Variants in SGCZ observed in about 807,000 individuals in gnomAD.
SGCZ encodes the protein sarcoglycan zeta.
In SGCZ, 40 loss-of-function variants were observed where a neutral mutation model predicts 41.3. That is an observed-to-expected ratio of 0.97 (90% CI 0.75 to 1.26). The LOEUF (loss-of-function observed/expected upper bound fraction) is 1.26. SGCZ is among the 50% of genes most tolerant of loss of function. The pLI is 0.00. For missense variants in SGCZ, 552 were observed against 369.8 expected, an observed-to-expected ratio of 1.49 and a Z score of -4.04; for synonymous variants, 206 against 137.5, an observed-to-expected ratio of 1.50 and a Z score of -3.49.
At chr8:14,856,777 C>T (rs1280021964) in intron 1 of SGCZ, among the ~76,000 whole-genome samples, 1 of 152,112 alleles carries the variant, frequency 6.6e-6, no homozygotes, top group Non-Finnish European at 1.5e-5. Context: ...CACAGGTTTA[C>T]GCAGACAGTC....
chr8:14,116,435 G>T (rs1261983767), intron 5 of SGCZ, among the ~76,000 whole-genome samples: 1 of 152,014 alleles, frequency 6.6e-6, no homozygotes, highest in Non-Finnish European at 1.5e-5. Flanking sequence ...AAAAGATTCA[G>T]AATCTTCGTA....
chr8:14,504,098 T>C (rs564976147), intron 2 of SGCZ, among the ~76,000 whole-genome samples: 9 of 152,320 alleles, frequency 5.9e-5, no homozygotes, highest in Admixed American at 2.0e-4. Context: ...CTTTTTTGTC[T>C]CAATTATATT....
At chr8:14,684,803 T>C (rs1033769431) in intron 1 of SGCZ, among the ~76,000 whole-genome samples, 5 of 152,060 alleles carry the variant, frequency 3.3e-5, no homozygotes, top group East Asian at 1.9e-4. Context: ...CAATGCTTCA[T>C]AACCCTATTG....
At chr8:14,882,753 T>C (rs1441005758) in intron 1 of SGCZ, among the ~76,000 whole-genome samples, 8 of 152,102 alleles carry the variant, frequency 5.3e-5, no homozygotes, top group South Asian at 4.1e-4. Flanking sequence ...CCTCTTTTTC[T>C]ATTTTTCTAT....
intron 1 of SGCZ, among the ~76,000 whole-genome samples, chr8:15,073,037 T>C (rs1464947364): frequency 1.3e-5 from 2 of 152,126 alleles, no homozygotes; most frequent in East Asian, 1.9e-4. Context: ...AGACTTGTTT[T>C]AAGGGCAGAG....
At chr8:14,727,510 T>A (rs112298209) in intron 1 of SGCZ, among the ~76,000 whole-genome samples, 2 of 149,994 alleles carry the variant, frequency 1.3e-5, no homozygotes, top group African/African-American at 5.0e-5. Flanking sequence ...GCATGTACAA[T>A]AATGCTTTTT....
At chr8:14,916,057 A>C (rs953708226) in intron 1 of SGCZ, among the ~76,000 whole-genome samples, 6 of 152,218 alleles carry the variant, frequency 3.9e-5, no homozygotes, top group Non-Finnish European at 5.9e-5. Context: ...ATGTTAATAT[A>C]TAAGTCATGT....
intron 1 of SGCZ, among the ~76,000 whole-genome samples, chr8:15,194,712 T>G (rs567988159): frequency 7.2e-5 from 11 of 152,244 alleles, no homozygotes; most frequent in African/African-American, 2.4e-4. Flanking sequence ...AGGAGGACCA[T>G]AAGCCAGGGA....
At chr8:14,302,545 G>A (rs928179835) in intron 3 of SGCZ, among the ~76,000 whole-genome samples, 7 of 151,930 alleles carry the variant, frequency 4.6e-5, no homozygotes, top group African/African-American at 1.5e-4. Flanking sequence ...CACCCTCTCC[G>A]ATTTCACTCA....
At chr8:14,966,090 G>A (rs1051678552) in intron 1 of SGCZ, among the ~76,000 whole-genome samples, 1 of 151,526 alleles carries the variant, frequency 6.6e-6, no homozygotes, top group African/African-American at 2.4e-5. Context: ...TGAACATGAA[G>A]AGACACCTGA....
Position 14,551,461 on chromosome 8 carries a change from A to G in SGCZ, c.234+3271T>C, listed in dbSNP as rs1436344570. 4.1e-3 allele frequency among the ~76,000 whole-genome samples: 28 copies of G among 6,820 alleles called. 6 individuals carry two copies. Among genetic ancestry groups the G allele is most frequent in the African/African-American group, 0.013 (25 of 1,996 alleles). 4.5% of individuals were successfully genotyped at this position (6,820 alleles called of 152,430 possible). On this transcript the variant is annotated intron_variant, in intron 2 of 7. Transcript: ENST00000382080. ...CAACTATTTCATATATATATTATAT[A>G]TATTATATATATTATATATTATATA... is the stretch of plus-strand genomic sequence containing the variant.
intron 1 of SGCZ, among the ~76,000 whole-genome samples, chr8:14,778,799 G>C (rs776094148): frequency 1.3e-5 from 2 of 152,098 alleles, no homozygotes; most frequent in Non-Finnish European, 2.9e-5. Flanking sequence ...CATTTGATTG[G>C]GATAAAGAAA....
At chr8:14,390,564 T>C (rs1202178219) in intron 2 of SGCZ, among the ~76,000 whole-genome samples, 1 of 151,918 alleles carries the variant, frequency 6.6e-6, no homozygotes, top group African/African-American at 2.4e-5. Flanking sequence ...AAATTCTGAT[T>C]TAAAATTTTT....
At chr8:14,356,718 G>T (rs1426696940) in intron 2 of SGCZ, among the ~76,000 whole-genome samples, 1 of 151,856 alleles carries the variant, frequency 6.6e-6, no homozygotes, top group Non-Finnish European at 1.5e-5. Flanking sequence ...AAACCTATTT[G>T]ATTATATATA....
chr8:14,342,690 G>A (rs191558225), intron 2 of SGCZ, among the ~76,000 whole-genome samples: 154 of 152,088 alleles, frequency 1.0e-3, no homozygotes, highest in African/African-American at 3.6e-3. Context: ...AGTTTTAGTC[G>A]GGAAGCAGAG....
At chr8:14,140,426 A>G (rs569378980) in intron 5 of SGCZ, among the ~76,000 whole-genome samples, 171 of 152,240 alleles carry the variant, frequency 1.1e-3, no homozygotes, top group Admixed American at 5.8e-3. Flanking sequence ...AAACCCCATC[A>G]TCTCAGCCCA....
At chr8:14,251,860 C>T (rs546003462) in intron 3 of SGCZ, among the ~76,000 whole-genome samples, 46 of 152,170 alleles carry the variant, frequency 3.0e-4, no homozygotes, top group African/African-American at 1.0e-3. Context: ...GGATTACAGG[C>T]GCTCACCACC....
rs546118530 is a variant in SGCZ at position 14,377,823 on chromosome 8, A to T, written c.235-53619T>A. On this transcript the variant is annotated intron_variant, in intron 2 of 7. Transcript: ENST00000382080. ...CGATAGTTTACTGAGAATGATGATT[A>T]CCAATTTCATCCATGTCCCTACAAA... Among the ~76,000 whole-genome samples the T allele has an allele frequency of 2.1e-3, 324 of 151,672 alleles. 1 individual carries two copies. The highest frequency in any genetic ancestry group is 7.4e-3 in the African/African-American group (307 of 41,222).
chr8:14,976,076 G>A (rs1345772698), intron 1 of SGCZ, among the ~76,000 whole-genome samples: 1 of 149,632 alleles, frequency 6.7e-6, no homozygotes, highest in Non-Finnish European at 1.5e-5. Context: ...AAGCTGTAGT[G>A]CAGTGGCACG....
Sources: allele counts gnomAD v4.1 joint callset (sites outside exome capture counted in the v4.1 genomes callset), GRCh38; gene constraint gnomAD v4.1.1; transcripts MANE v1.5; gene names NCBI Gene and HGNC (gene_info 2026-07-23, HGNC 2026-07-21).